The following SAMMSON variants were observed in gnomAD, a reference collection of about 807,000 sequenced individuals.
SAMMSON encodes survival associated mitochondrial melanoma specific oncogenic non-coding RNA.
At chr3:70,136,187 G>A (rs2067505049) in intron 4 of SAMMSON, among the ~76,000 whole-genome samples, 1 of 152,156 alleles carries the variant, frequency 6.6e-6, no homozygotes, top group Non-Finnish European at 1.5e-5. Context: ...CCCAATGATT[G>A]TTGCTTCCTG....
chr3:70,074,107 A>G (rs2067239789), intron 4 of SAMMSON, among the ~76,000 whole-genome samples: 1 of 152,042 alleles, frequency 6.6e-6, no homozygotes, highest in Non-Finnish European at 1.5e-5. Flanking sequence ...GAATGATGAT[A>G]TTAATCAATT....
intron 6 of SAMMSON, among the ~76,000 whole-genome samples, chr3:70,290,717 G>T (rs944875886): frequency 1.3e-5 from 2 of 152,094 alleles, no homozygotes; most frequent in Admixed American, 6.5e-5. Context: ...GTGAGACTCC[G>T]TGGGCGTAGG....
chr3:70,210,583 T>C (rs964361995), intron 4 of SAMMSON, among the ~76,000 whole-genome samples: 1 of 152,110 alleles, frequency 6.6e-6, no homozygotes, highest in East Asian at 1.9e-4. Context: ...TAAAGTAGCA[T>C]AAGCTCAAAG....
chr3:70,242,002 C>G (rs1701670392), intron 4 of SAMMSON, among the ~76,000 whole-genome samples: 1 of 152,166 alleles, frequency 6.6e-6, no homozygotes, highest in African/African-American at 2.4e-5. Context: ...GGCACCAACA[C>G]AGTTCTTCTG....
At chr3:70,239,229 T>G (rs1310953944) in intron 4 of SAMMSON, among the ~76,000 whole-genome samples, 2 of 152,230 alleles carry the variant, frequency 1.3e-5, no homozygotes, top group Admixed American at 1.3e-4. Context: ...GAAATTTACC[T>G]GTATCTTGTA....
intron 4 of SAMMSON, among the ~76,000 whole-genome samples, chr3:70,118,308 T>A (rs774745275): frequency 1.3e-5 from 2 of 152,200 alleles, no homozygotes; most frequent in Non-Finnish European, 2.9e-5. Context: ...GAGGCAGTAG[T>A]GACCTGAATT....
At chr3:70,327,835 G>T (rs1186230483) in intron 7 of SAMMSON, among the ~76,000 whole-genome samples, 3 of 151,922 alleles carry the variant, frequency 2.0e-5, no homozygotes, top group Non-Finnish European at 4.4e-5. Flanking sequence ...CACTGTCCCA[G>T]AAAAAAAGGT....
At chr3:70,201,783 C>T (rs1701241735) in intron 4 of SAMMSON, among the ~76,000 whole-genome samples, 1 of 152,174 alleles carries the variant, frequency 6.6e-6, no homozygotes, top group Admixed American at 6.5e-5. Context: ...CTCTCCATTC[C>T]CTCCTCTTGC....
chr3:70,111,858 C>A (rs573566090), intron 4 of SAMMSON, among the ~76,000 whole-genome samples: 3 of 151,756 alleles, frequency 2.0e-5, no homozygotes, highest in African/African-American at 7.3e-5. Context: ...AGACAGAGAA[C>A]GAGAAAGAAA....
intron 4 of SAMMSON, among the ~76,000 whole-genome samples, chr3:70,247,467 A>G (rs1311168550): frequency 1.3e-5 from 2 of 151,772 alleles, no homozygotes; most frequent in Non-Finnish European, 1.5e-5. Flanking sequence ...TTTATCATAT[A>G]ATATATATTA....
chr3:70,083,757 C>T (rs765438632), intron 4 of SAMMSON, among the ~76,000 whole-genome samples: 3 of 152,132 alleles, frequency 2.0e-5, no homozygotes, highest in Non-Finnish European at 2.9e-5. Flanking sequence ...TGACTTCCTT[C>T]CCTGCATTGA....
In SAMMSON at chr3:70,361,189, C is replaced by A. The variant is rs188091535; in HGVS notation, n.913+2865C>A. On this transcript the variant is annotated intron_variant and non_coding_transcript_variant, in intron 9 of 9. Coordinates refer to ENST00000642114, the Ensembl canonical transcript of SAMMSON. ...GATGTCATCATTTTCTCTTTGAAAACCCCTGTAGTCTCCTTGTGAGTCATC... is the reference window on the plus strand; with the variant it reads ...GATGTCATCATTTTCTCTTTGAAAAACCCTGTAGTCTCCTTGTGAGTCATC... 6.9e-3 allele frequency among the ~76,000 whole-genome samples: 1,045 copies of A among 152,170 alleles called. 7 individuals are homozygous for A. The highest frequency in any genetic ancestry group is 0.011 in the Non-Finnish European group (734 of 68,000).
At chr3:70,405,339 T>C (rs1033925227) in intron 2 of SAMMSON, among the ~76,000 whole-genome samples, 1 of 152,198 alleles carries the variant, frequency 6.6e-6, no homozygotes, top group Non-Finnish European at 1.5e-5. Context: ...AATCCTGGCA[T>C]TTAACAATAT....
At chr3:70,122,456 G>C (rs2067439096) in intron 4 of SAMMSON, among the ~76,000 whole-genome samples, 1 of 152,166 alleles carries the variant, frequency 6.6e-6, no homozygotes, top group South Asian at 2.1e-4. Flanking sequence ...CAATCCACCT[G>C]CTCGCCCTCC....
intron 7 of SAMMSON, among the ~76,000 whole-genome samples, chr3:70,331,602 T>G (rs1191202352): frequency 6.6e-6 from 1 of 152,226 alleles, no homozygotes; most frequent in Admixed American, 6.5e-5. Context: ...CACACAAATC[T>G]TGTCAGAGAT....
intron 3 of SAMMSON, chr3:70,013,673 G>A (rs2066968523): frequency 6.6e-6 from 1 of 152,100 alleles, no homozygotes; most frequent in South Asian, 2.1e-4. Flanking sequence ...TTACTCAAAG[G>A]TAAATAATTT....
At chr3:70,047,677 G>C (rs993860355) in intron 3 of SAMMSON, among the ~76,000 whole-genome samples, 1 of 151,988 alleles carries the variant, frequency 6.6e-6, no homozygotes, top group Non-Finnish European at 1.5e-5. Context: ...TTTTCCATTT[G>C]TGATACTATA....
intron 7 of SAMMSON, among the ~76,000 whole-genome samples, chr3:70,323,729 T>A (rs1702555642): frequency 6.6e-6 from 1 of 152,162 alleles, no homozygotes; most frequent in South Asian, 2.1e-4. Flanking sequence ...TTTCTGTAGC[T>A]CCTTCACCTT....
chr3:70,142,610 C>A (rs1208199453), intron 4 of SAMMSON, among the ~76,000 whole-genome samples: 14 of 152,010 alleles, frequency 9.2e-5, no homozygotes, highest in Non-Finnish European at 1.5e-5. Context: ...GTGATGGGTG[C>A]ACGAAAATCT....
Sources: allele counts gnomAD v4.1 joint callset (sites outside exome capture counted in the v4.1 genomes callset), GRCh38; gene constraint gnomAD v4.1.1; transcripts MANE v1.5; gene names NCBI Gene and HGNC (gene_info 2026-07-23, HGNC 2026-07-21).